The following IQGAP2 variants were observed in gnomAD, a reference collection of about 807,000 sequenced individuals.
IQGAP2 encodes ras GTPase-activating-like protein IQGAP2.
In IQGAP2, 173 loss-of-function variants were observed where a neutral mutation model predicts 201.3. The observed-to-expected ratio is 0.86, with a 90% CI of 0.76 to 0.98. The LOEUF is 0.98. Among genes scored for constraint, IQGAP2 ranks in the 50% least tolerant of loss-of-function variants. IQGAP2 has a pLI of 0.00. For synonymous variants in IQGAP2, 675 were observed against 673.9 expected (o/e 1.00, Z -0.03); for missense variants, 1,687 against 1,864.8 (o/e 0.90, Z 1.76).
intron 2 of IQGAP2, among the ~76,000 whole-genome samples, chr5:76,558,665 T>C (rs2150247847): frequency 6.6e-6 from 1 of 152,354 alleles, no homozygotes; most frequent in South Asian, 2.1e-4. Context: ...TCATCACATC[T>C]TACCTGTTCC....
At chr5:76,686,388 A>C (rs543520730) in intron 30 of IQGAP2, among the ~76,000 whole-genome samples, 2 of 148,320 alleles carry the variant, frequency 1.3e-5, no homozygotes, top group East Asian at 3.9e-4. Context: ...GATTTACCCC[A>C]ATGTTTTGTT....
intron 1 of IQGAP2, among the ~76,000 whole-genome samples, chr5:76,421,705 T>G (rs932644289): frequency 2.0e-5 from 3 of 152,260 alleles, no homozygotes; most frequent in Non-Finnish European, 4.4e-5. Context: ...GTTTTTCATT[T>G]ACATTAATCA....
intron 2 of IQGAP2, among the ~76,000 whole-genome samples, chr5:76,517,494 T>C (rs981037242): frequency 6.6e-6 from 1 of 151,834 alleles, no homozygotes; most frequent in Admixed American, 6.6e-5. Flanking sequence ...ATTCCTGTAG[T>C]CTTAGTTACT....
intron 2 of IQGAP2, among the ~76,000 whole-genome samples, chr5:76,527,317 C>A: frequency 6.6e-6 from 1 of 152,116 alleles, no homozygotes; most frequent in South Asian, 2.1e-4. Context: ...CAGAGGTGCT[C>A]CCTGTCCCCC....
At chr5:76,644,449 G>A (rs466101) in intron 17 of IQGAP2, among the ~76,000 whole-genome samples, 93,305 of 150,994 alleles carry the variant, frequency 0.62, 29,017 homozygotes, top group South Asian at 0.78. Flanking sequence ...ACTGGCATGC[G>A]CCACCACACC....
intron 13 of IQGAP2, chr5:76,618,558 T>C: frequency 6.2e-7 from 1 of 1,614,122 alleles, no homozygotes; most frequent in Non-Finnish European, 8.5e-7. Context: ...AAAGGGGAAC[T>C]CTTCAAAAGA....
chr5:76,573,777 ATTTT>A (rs59411410), intron 4 of IQGAP2, among the ~76,000 whole-genome samples: 1 of 126,152 alleles, frequency 7.9e-6, no homozygotes. Context: ...ATGCCCAGCT[ATTTT>A]TTTTTTTTTT....
chr5:76,565,474 A>C (rs370515066), intron 3 of IQGAP2, among the ~76,000 whole-genome samples: 63 of 152,308 alleles, frequency 4.1e-4, no homozygotes, highest in African/African-American at 1.5e-3. Context: ...TGAGTATTAG[A>C]GTTCAACTTT....
intron 17 of IQGAP2, among the ~76,000 whole-genome samples, chr5:76,644,287 T>TGC (rs1561544157): frequency 8.2e-5 from 1 of 12,200 alleles, no homozygotes; most frequent in Non-Finnish European, 2.1e-4. Context: ...CTGCCATTTT[T>TGC]GTAAATCCTT....
At chr5:76,610,114 A>ATATATATAT (rs1748235626) in intron 12 of IQGAP2, among the ~76,000 whole-genome samples, 1 of 9,894 alleles carries the variant, frequency 1.0e-4, no homozygotes, top group Non-Finnish European at 1.5e-4. Flanking sequence ...ATATATATAT[A>ATATATATAT]TTTTTTTTTT....
At chr5:76,700,715 A>T (rs1747301071) in intron 33 of IQGAP2, among the ~76,000 whole-genome samples, 2 of 152,238 alleles carry the variant, frequency 1.3e-5, no homozygotes, top group African/African-American at 4.8e-5. Context: ...AAACAGTCCT[A>T]GTAATATCGT....
At chr5:76,532,015 G>A (rs1759324466) in intron 2 of IQGAP2, among the ~76,000 whole-genome samples, 2 of 152,160 alleles carry the variant, frequency 1.3e-5, no homozygotes, top group South Asian at 4.1e-4. Flanking sequence ...ATTCATGAGG[G>A]CTCCACCCTC....
intron 1 of IQGAP2, among the ~76,000 whole-genome samples, chr5:76,406,277 G>A (rs932961728): frequency 5.3e-5 from 8 of 152,220 alleles, no homozygotes; most frequent in East Asian, 1.9e-4. Flanking sequence ...TGCTGAAGTC[G>A]CCCTGATTTG....
chr5:76,608,714 G>A (rs1378906962), intron 12 of IQGAP2: 1 of 158,476 alleles, frequency 6.3e-6, no homozygotes, highest in African/African-American at 2.4e-5. Context: ...ATTTCCTCAG[G>A]CTCTGTTGAT....
At chr5:76,581,557 G>A (rs1055998018) in intron 5 of IQGAP2, among the ~76,000 whole-genome samples, 1 of 152,138 alleles carries the variant, frequency 6.6e-6, no homozygotes, top group Non-Finnish European at 1.5e-5. Context: ...AAATTAGTAT[G>A]GTGGTTATGC....
At chr5:76,622,016 A>T (rs1032394262) in intron 13 of IQGAP2, among the ~76,000 whole-genome samples, 3 of 152,214 alleles carry the variant, frequency 2.0e-5, no homozygotes, top group Admixed American at 6.5e-5. Flanking sequence ...GACAGAAACT[A>T]AAAACCATGG....
intron 12 of IQGAP2, among the ~76,000 whole-genome samples, chr5:76,609,841 ATGTGTGTG>A (rs34776267): frequency 5.5e-5 from 8 of 145,324 alleles, no homozygotes; most frequent in African/African-American, 7.7e-5. Context: ...TTATATATAT[ATGTGTGTG>A]TGTGTGTGTG....
chr5:76,637,205 C>A, intron 16 of IQGAP2, 29 bp downstream of exon 16: 1 of 1,551,912 alleles, frequency 6.4e-7, no homozygotes, highest in Non-Finnish European at 8.7e-7. Flanking sequence ...ATGGATAACT[C>A]TACTGTATAA....
intron 1 of IQGAP2, among the ~76,000 whole-genome samples, chr5:76,441,787 G>C (rs1474113269): frequency 6.6e-6 from 1 of 152,186 alleles, no homozygotes; most frequent in Non-Finnish European, 1.5e-5. Context: ...AAGAAAGCAA[G>C]AATGAGAAAT....
Sources: allele counts gnomAD v4.1 joint callset (sites outside exome capture counted in the v4.1 genomes callset), GRCh38; gene constraint gnomAD v4.1.1; transcripts MANE v1.5; gene names NCBI Gene and HGNC (gene_info 2026-07-23, HGNC 2026-07-21).